Variants in CADM2 observed in about 807,000 individuals in gnomAD.
The protein encoded by CADM2 is immunoglobulin superfamily member 4D.
Under a neutral mutation model 49.8 loss-of-function variants are expected in CADM2, and 12 were observed. The ratio of observed to expected loss-of-function variants is 0.24; its 90% CI spans 0.15 to 0.39. CADM2 has a LOEUF of 0.39. CADM2 is among the 10% of genes least tolerant of loss of function. The probability of loss-of-function intolerance (pLI) is 1.00; values close to 1 mark genes in which losing one functional copy is unlikely to be tolerated. For synonymous variants in CADM2, 214 were observed against 175.4 expected, an observed-to-expected ratio of 1.22 and a Z score of -1.74; for missense variants, 378 against 492.3, an observed-to-expected ratio of 0.77 and a Z score of 2.20.
intron 1 of CADM2, among the ~76,000 whole-genome samples, chr3:85,461,219 A>G (rs75230088): frequency 0.059 from 8,935 of 152,042 alleles, 589 homozygotes; most frequent in African/African-American, 0.16. Context: ...TTAACACATA[A>G]AAAGGCTTGC....
At chr3:85,681,192 A>G (rs2066031181) in intron 1 of CADM2, among the ~76,000 whole-genome samples, 1 of 152,156 alleles carries the variant, frequency 6.6e-6, no homozygotes, top group Admixed American at 6.5e-5. Flanking sequence ...ACTGGCCACT[A>G]TTAAAAACAA....
At chr3:85,249,067 A>G (rs2042717169) in intron 1 of CADM2, among the ~76,000 whole-genome samples, 1 of 152,144 alleles carries the variant, frequency 6.6e-6, no homozygotes, top group African/African-American at 2.4e-5. Flanking sequence ...CTTTGCTACT[A>G]CTTGATATAA....
At chr3:85,260,313 T>G (rs1247888888) in intron 1 of CADM2, among the ~76,000 whole-genome samples, 1 of 152,090 alleles carries the variant, frequency 6.6e-6, no homozygotes, top group African/African-American at 2.4e-5. Flanking sequence ...GAAGGAACAA[T>G]CTCCAAACCA....
At chr3:86,015,684 G>A (rs1414799115) in intron 8 of CADM2, among the ~76,000 whole-genome samples, 1 of 152,184 alleles carries the variant, frequency 6.6e-6, no homozygotes, top group African/African-American at 2.4e-5. Flanking sequence ...AAATTTGAAT[G>A]GAAGAGCCTG....
intron 1 of CADM2, among the ~76,000 whole-genome samples, chr3:85,567,854 A>C (rs2062315095): frequency 6.6e-6 from 1 of 152,186 alleles, no homozygotes; most frequent in Non-Finnish European, 1.5e-5. Flanking sequence ...CAAAGGCCTG[A>C]GAACCCACGG....
intron 3 of CADM2, among the ~76,000 whole-genome samples, chr3:85,862,387 A>G (rs1273303757): frequency 6.6e-6 from 1 of 152,172 alleles, no homozygotes; most frequent in Non-Finnish European, 1.5e-5. Flanking sequence ...TATGTTGTAT[A>G]CTTTTCATAG....
chr3:85,862,833 T>C (rs979957880), intron 3 of CADM2, among the ~76,000 whole-genome samples: 15 of 152,134 alleles, frequency 9.9e-5, no homozygotes, highest in African/African-American at 3.6e-4. Context: ...GATTATACAG[T>C]TGCTAGTATT....
chr3:86,012,167 T>A (rs1016920578), intron 8 of CADM2, among the ~76,000 whole-genome samples: 1 of 152,162 alleles, frequency 6.6e-6, no homozygotes, highest in Non-Finnish European at 1.5e-5. Flanking sequence ...AAATAATATA[T>A]ACAGCTGCCA....
Position 85,897,241 on chromosome 3 carries a change from CTTTTTTTTTTTTTTTTTTTTT to C in CADM2, c.529+10933_529+10953del, listed in dbSNP as rs752550127. ...CAACAATAATTGCTTTAACCTACAT[CTTTTTTTTTTTTTTTTTTTTT>C]TTTTTTTTTTTTTTTTTTGAGACGG... On this transcript the variant is annotated intron_variant, in intron 5 of 9. Coordinates refer to ENST00000383699, the MANE Select transcript of CADM2 (RefSeq NM_001167675.2). Among the ~76,000 whole-genome samples, 164 of 45,924 alleles carry C rather than the reference CTTTTTTTTTTTTTTTTTTTTT, an allele frequency of 3.6e-3. 2 individuals are homozygous for C. The highest frequency in any genetic ancestry group is 9.0e-3 in the African/African-American group (135 of 14,948). The allele number at this position is 45,924 out of a possible 152,430, so 30.1% of individuals were successfully genotyped here.
intron 1 of CADM2, among the ~76,000 whole-genome samples, chr3:85,203,381 G>GGA (rs141240353): frequency 5.3e-5 from 8 of 151,812 alleles, no homozygotes; most frequent in African/African-American, 9.7e-5. Flanking sequence ...AGCTGAAGGA[G>GGA]GAGAGAGAGA....
chr3:85,731,499 C>T (rs1317467112), intron 2 of CADM2, among the ~76,000 whole-genome samples: 1 of 151,946 alleles, frequency 6.6e-6, no homozygotes, highest in Non-Finnish European at 1.5e-5. Flanking sequence ...GTAAATTGTA[C>T]CTATTATTAT....
chr3:85,967,000 G>T (rs1725560790), intron 8 of CADM2, among the ~76,000 whole-genome samples: 1 of 151,596 alleles, frequency 6.6e-6, no homozygotes, highest in South Asian at 2.1e-4. Context: ...TCTACTAAAA[G>T]GTATTAAGCT....
intron 2 of CADM2, among the ~76,000 whole-genome samples, chr3:85,790,155 A>T (rs1188948189): frequency 6.6e-6 from 1 of 152,226 alleles, no homozygotes; most frequent in Non-Finnish European, 1.5e-5. Context: ...TGTGCTGGGA[A>T]TATTAAAGAA....
At chr3:85,658,076 T>C (rs1450009827) in intron 1 of CADM2, among the ~76,000 whole-genome samples, 1 of 152,070 alleles carries the variant, frequency 6.6e-6, no homozygotes, top group African/African-American at 2.4e-5. Flanking sequence ...TTTAGAGTGA[T>C]TGATTTAGTT....
intron 1 of CADM2, among the ~76,000 whole-genome samples, chr3:85,695,930 T>G (rs1427954405): frequency 1.3e-5 from 2 of 152,140 alleles, no homozygotes. Flanking sequence ...TTTTTTTCTT[T>G]TTAGTAATAG....
chr3:85,170,374 T>TG (rs1273790738), intron 1 of CADM2, among the ~76,000 whole-genome samples: 1 of 151,532 alleles, frequency 6.6e-6, no homozygotes, highest in Admixed American at 6.6e-5. Context: ...AGTCTTGCTC[T>TG]GTTGCCCAGG....
intron 1 of CADM2, among the ~76,000 whole-genome samples, chr3:85,020,826 G>A (rs2034470044): frequency 6.6e-6 from 1 of 151,728 alleles, no homozygotes; most frequent in South Asian, 2.1e-4. Context: ...TATTGGCATT[G>A]CGGCACAATA....
intron 8 of CADM2, among the ~76,000 whole-genome samples, chr3:85,963,663 AT>A (rs1725121046): frequency 6.6e-6 from 1 of 151,894 alleles, no homozygotes; most frequent in South Asian, 2.1e-4. Flanking sequence ...ATATACCTAA[AT>A]GAAAAGTATA....
intron 1 of CADM2, among the ~76,000 whole-genome samples, chr3:85,413,281 C>T (rs2107475657): frequency 6.7e-6 from 1 of 150,354 alleles, no homozygotes; most frequent in East Asian, 2.0e-4. Flanking sequence ...TATATAGGTA[C>T]ACATTCAGAA....
Sources: gnomAD v4.1 joint callset for allele counts (sites outside exome capture counted in the v4.1 genomes callset) on GRCh38, gnomAD v4.1.1 for gene constraint, MANE v1.5 for transcripts, NCBI Gene and HGNC (gene_info 2026-07-23, HGNC 2026-07-21) for gene names.